RNF17: variants seen among roughly 807,000 people sequenced by gnomAD.
The protein encoded by RNF17 is ring finger protein 17.
In RNF17, 31 loss-of-function variants were observed where a neutral mutation model predicts 200.5. The observed-to-expected ratio is 0.15, with a 90% CI of 0.12 to 0.21. The LOEUF is 0.21. Among genes scored for constraint, RNF17 ranks in the 10% least tolerant of loss-of-function variants. The pLI is 1.00. For missense variants in RNF17, 1,628 were observed against 1,905.1 expected (o/e 0.85, Z 2.71); for synonymous variants, 606 against 637.8 (o/e 0.95, Z 0.75).
chr13:24,788,012 T>C lies in RNF17; in HGVS notation c.636T>C (p.Phe212=), dbSNP rs148870018. Residue 212 remains phenylalanine, a synonymous_variant, in exon 7 of 36, where the codon TTT becomes TTC. Transcript: ENST00000255324. ...DSRKKNLCEE[F]ARTTDDYLSN... is the part of the protein sequence containing the mutation. Reference sequence around the variant, plus strand: ...GGAAAAAGAACCTGTGTGAAGAATTTGCAAGAACTACTGATGATTATCTAT... The same window carrying C: ...GGAAAAAGAACCTGTGTGAAGAATTCGCAAGAACTACTGATGATTATCTAT... 68 of 1,563,098 alleles carry C rather than the reference T, an allele frequency of 4.4e-5. No homozygotes were observed. The African/African-American group carries it at 8.2e-4, about 19-fold the overall frequency.
At chr13:24,878,759 C>T (rs1198711607) in intron 34 of RNF17, among the ~76,000 whole-genome samples, 1 of 151,584 alleles carries the variant, frequency 6.6e-6, no homozygotes, top group African/African-American at 2.4e-5. Flanking sequence ...CCTCTCTGTC[C>T]ACTGATTTAG....
At chr13:24,753,342 G>A in the RNF17 span, among the ~76,000 whole-genome samples, 1 of 152,192 alleles carries the variant, frequency 6.6e-6, no homozygotes, top group African/African-American at 2.4e-5. Context: ...CTGGAAACAC[G>A]TGGCCTCCTG....
intron 4 of RNF17, among the ~76,000 whole-genome samples, chr13:24,779,270 T>A (rs1223397174): frequency 6.6e-6 from 1 of 152,188 alleles, no homozygotes; most frequent in African/African-American, 2.4e-5. Context: ...TGCTGACTTT[T>A]CCTTCAAGTG....
rs1394661173 is a variant in RNF17, at chr13:24,800,421, A to G, written c.1645A>G (p.Asn549Asp). 1.2e-6 allele frequency: 2 copies of G among 1,612,996 alleles called. No homozygotes were observed. Among genetic ancestry groups the G allele is most frequent in the Non-Finnish European group, 1.7e-6 (2 of 1,179,414 alleles). ...EHSAKQHIAL[N>D]DLCLVLRKSE... is the part of the protein sequence containing the mutation. Reference sequence around the variant, plus strand: ...CTCTGCTAAGCAACATATTGCACTAAATGATTTATGTCTGGTTCTAAGGAA... The same window carrying G: ...CTCTGCTAAGCAACATATTGCACTAGATGATTTATGTCTGGTTCTAAGGAA... The change falls in exon 13 of 36, where the codon AAT (asparagine) becomes GAT (aspartate). Residue 549 changes from asparagine (N) to aspartate (D), a missense_variant. By Grantham distance (23) the Asn-to-Asp change is conservative. Transcript: ENST00000255324.
chr13:24,799,316 A>G, intron 11 of RNF17, 79 bp from the exon 12 acceptor site: 4 of 1,070,000 alleles, frequency 3.7e-6, no homozygotes, highest in South Asian at 1.4e-5. Flanking sequence ...TTTTCGTGGT[A>G]GAACTAACGT....
intron 17 of RNF17, 76 bp downstream of exon 17, chr13:24,830,675 C>T: frequency 9.7e-7 from 1 of 1,035,716 alleles, no homozygotes; most frequent in South Asian, 1.4e-5. Context: ...CTATTGTCAT[C>T]ATAGAAATGT....
At chr13:24,804,244 C>T (rs1176327681) in intron 14 of RNF17, 44 bp from the exon 15 acceptor site, 1 of 1,579,516 alleles carries the variant, frequency 6.3e-7, no homozygotes, top group Non-Finnish European at 8.6e-7. Context: ...GCCTGGGTGA[C>T]AGGGTGAGAC....
chr13:24,778,366 C>G lies in RNF17; in HGVS notation c.389C>G (p.Ser130Cys). Residue 130 changes from serine (S) to cysteine (C), a missense_variant, in exon 4 of 36, where the codon TCC (serine) becomes TGC (cysteine). Ser to Cys is a moderately radical substitution (Grantham distance 112, BLOSUM62 -1). Transcript: ENST00000255324. The part of the protein sequence containing the change: ...QLTTGLERSA[S>C]TDKTLLNSSA... ...ACTACTGGTTTAGAACGTTCAGCCT[C>G]CACAGACAAGACTCTTTTGAACTCA... 1 of 1,613,754 alleles carries G rather than the reference C, an allele frequency of 6.2e-7. No individual in the cohort carries two copies.
At chr13:24,868,493 A>AAAAAAG (rs60813801) in intron 30 of RNF17, 107 bp from the exon 31 acceptor site, 6,240 of 324,192 alleles carry the variant, frequency 0.019, 301 homozygotes, top group East Asian at 0.021. Flanking sequence ...AAAAAAAAAA[A>AAAAAAG]CTTGCTTTCT....
chr13:24,818,292 C>T (rs754851043), intron 15 of RNF17, among the ~76,000 whole-genome samples: 24 of 152,086 alleles, frequency 1.6e-4, no homozygotes, highest in Middle Eastern at 3.4e-3. Context: ...TGCAGCCTAA[C>T]ATATGGTCTA....
At chr13:24,888,449 G>A in the RNF17 span, among the ~76,000 whole-genome samples, 12 of 152,182 alleles carry the variant, frequency 7.9e-5, no homozygotes, top group Non-Finnish European at 1.5e-4. Flanking sequence ...CTGACTAAAT[G>A]TAAGAAAACA....
downstream of RNF17, chr13:24,882,403 T>TATTA (rs1308824433): frequency 3.9e-5 from 6 of 152,190 alleles, no homozygotes; most frequent in South Asian, 1.0e-3. Flanking sequence ...TGTAATTATT[T>TATTA]ATTATATAAA....
At chr13:24,811,907 G>A (rs1477722909) in intron 15 of RNF17, among the ~76,000 whole-genome samples, 1 of 152,076 alleles carries the variant, frequency 6.6e-6, no homozygotes, top group Non-Finnish European at 1.5e-5. Context: ...GGCCGTGTGA[G>A]GTGTCAGTCT....
At chr13:24,811,866 G>A (rs1317041373) in intron 15 of RNF17, among the ~76,000 whole-genome samples, 1 of 152,082 alleles carries the variant, frequency 6.6e-6, no homozygotes, top group Non-Finnish European at 1.5e-5. Context: ...ATACAGACAG[G>A]ACCCTCAGCT....
chr13:24,763,369 ATTTT>A (rs34750040), upstream of RNF17, among the ~76,000 whole-genome samples: 17 of 114,696 alleles, frequency 1.5e-4, no homozygotes, highest in African/African-American at 1.9e-4. Context: ...CGTCCGGCTA[ATTTT>A]TTTTTTTTTT....
chr13:24,885,541 A>G, the RNF17 span: 8 of 1,309,792 alleles, frequency 6.1e-6, no homozygotes, highest in South Asian at 1.2e-5. Context: ...CGTTAAGTCT[A>G]TTAACAAATT....
At position 24,789,736 on chromosome 13, in the gene RNF17, A is replaced by G; in HGVS notation, c.899A>G (p.Asn300Ser). ...TGCAGTGAGATCATCTGTATGTTCA[A>G]CAATATGGGAAAGATTGAATTTAGG... ...VNCSEIICMF[N>S]NMGKIEFRDS... Residue 300 changes from asparagine (N) to serine (S), a missense_variant, in exon 9 of 36, where the codon AAC (asparagine) becomes AGC (serine). Asn to Ser is a conservative substitution (Grantham distance 46, BLOSUM62 1). Transcript: ENST00000255324. The G allele has an allele frequency of 6.2e-7, 1 of 1,601,198 alleles. No individual in the cohort carries two copies.
chr13:24,778,222 A>T, intron 3 of RNF17, 73 bp from the exon 4 acceptor site: 1 of 978,912 alleles, frequency 1.0e-6, no homozygotes, highest in Non-Finnish European at 1.6e-6. Flanking sequence ...TGATGGTGCC[A>T]CTGCACTCTG....
At chr13:24,855,453 C>T (rs1050091547) in intron 25 of RNF17, among the ~76,000 whole-genome samples, 3 of 151,982 alleles carry the variant, frequency 2.0e-5, no homozygotes, top group Non-Finnish European at 4.4e-5. Flanking sequence ...CATGGTGAAA[C>T]CCCATCTCTA....
Sources: gnomAD v4.1 joint callset for allele counts (sites outside exome capture counted in the v4.1 genomes callset) on GRCh38, gnomAD v4.1.1 for gene constraint, MANE v1.5 for transcripts, NCBI Gene and HGNC (gene_info 2026-07-23, HGNC 2026-07-21) for gene names.